Variants in SETD3 observed in about 807,000 individuals in gnomAD.
SETD3 encodes the protein actin-histidine N-methyltransferase.
Under a neutral mutation model 63.0 loss-of-function variants are expected in SETD3, and 19 were observed. The observed-to-expected ratio is 0.30, with a 90% CI of 0.21 to 0.44. The LOEUF (loss-of-function observed/expected upper bound fraction) is 0.44. Ranked by LOEUF, SETD3 falls within the 20% of genes least tolerant of loss-of-function variation. The probability of loss-of-function intolerance (pLI) is 1.00; values close to 1 mark genes in which losing one functional copy is unlikely to be tolerated. For synonymous variants in SETD3, 286 were observed against 264.1 expected, an observed-to-expected ratio of 1.08 and a Z score of -0.80; for missense variants, 587 against 728.5, an observed-to-expected ratio of 0.81 and a Z score of 2.24.
In SETD3 at chr14:99,410,142, G is replaced by A. The variant is rs377754103; in HGVS notation, c.849+2809C>T. On this transcript the variant is annotated intron_variant, in intron 8 of 12. Coordinates refer to ENST00000331768, the MANE Select transcript of SETD3 (RefSeq NM_032233.3). ...GCCACGCTGGAGGAGGTCTATGAGTGAGTCCCGTAAGTGCCTAAGGAATGG... is the reference window on the plus strand; with the variant it reads ...GCCACGCTGGAGGAGGTCTATGAGTAAGTCCCGTAAGTGCCTAAGGAATGG... 4 of 1,551,814 alleles carry A rather than the reference G, an allele frequency of 2.6e-6. No individual in the cohort carries two copies. The South Asian group carries it at 3.3e-5, about 13-fold the overall frequency.
chr14:99,478,190 T>C (rs1317393396), intron 1 of SETD3, among the ~76,000 whole-genome samples: 1 of 152,034 alleles, frequency 6.6e-6, no homozygotes, highest in African/African-American at 2.4e-5. Flanking sequence ...ACAAGCAACA[T>C]CCAAAGTAAC....
chr14:99,416,226 TAAAAAC>T (rs1892283044), intron 6 of SETD3, among the ~76,000 whole-genome samples: 1 of 152,110 alleles, frequency 6.6e-6, no homozygotes, highest in Non-Finnish European at 1.5e-5. Context: ...CTCAATGTAT[TAAAAAC>T]AAACAAAAAA....
chr14:99,446,158 T>A (rs970815195), intron 6 of SETD3, among the ~76,000 whole-genome samples: 3 of 152,124 alleles, frequency 2.0e-5, no homozygotes, highest in African/African-American at 7.2e-5. Context: ...ACTTATAAAA[T>A]GGGGACGGTG....
intron 6 of SETD3, among the ~76,000 whole-genome samples, chr14:99,455,305 C>T (rs1320264293): frequency 6.6e-6 from 1 of 152,238 alleles, no homozygotes; most frequent in African/African-American, 2.4e-5. Context: ...TCATGCATAT[C>T]GCATTTTCAA....
chr14:99,423,043 C>T lies in SETD3; in HGVS notation c.676-9109G>A, dbSNP rs151295183. Among the ~76,000 whole-genome samples the T allele has an allele frequency of 1.5e-3, 229 of 152,314 alleles. 3 individuals carry two copies. Among genetic ancestry groups the T allele is most frequent in the Admixed American group, 0.011 (167 of 15,310 alleles). ...TCCCTCCTTTTCTCTATTCCCCACG[C>T]TCAAAGAGTGTTCAAAAGGTACCAA... On this transcript the variant is annotated intron_variant, in intron 6 of 12. Transcript: ENST00000331768.
intron 6 of SETD3, among the ~76,000 whole-genome samples, chr14:99,433,281 T>G (rs753178845): frequency 1.1e-4 from 17 of 152,172 alleles, no homozygotes; most frequent in Non-Finnish European, 1.8e-4. Flanking sequence ...TATGTGTGTT[T>G]TACAATTTTA....
At chr14:99,481,123 C>T, upstream of SETD3, 1 of 295,134 alleles carries the variant, frequency 3.4e-6, no homozygotes, top group East Asian at 5.5e-5. Context: ...TTGGACGAAT[C>T]TCGACCCGGG....
Position 99,408,817 on chromosome 14 carries a change from G to A in SETD3, c.850-2227C>T, listed in dbSNP as rs1366067287. On this transcript the variant is annotated intron_variant, in intron 8 of 12. Coordinates refer to ENST00000331768, the MANE Select transcript of SETD3 (RefSeq NM_032233.3). ...AGGACGGTATCAAGTGTGTCTCAGT[G>A]CAAAGAAGTGCAGGCGGAAGCACAG... 2.0e-5 allele frequency among the ~76,000 whole-genome samples: 3 copies of A among 152,160 alleles called. No homozygotes were observed. The East Asian group carries it at 5.8e-4, about 29-fold the overall frequency.
chr14:99,435,098 G>C (rs563201551), intron 6 of SETD3, among the ~76,000 whole-genome samples: 1 of 152,046 alleles, frequency 6.6e-6, no homozygotes, highest in Non-Finnish European at 1.5e-5. Context: ...TTATTACTCT[G>C]ATACCATTTA....
intron 6 of SETD3, among the ~76,000 whole-genome samples, chr14:99,449,476 G>A (rs1194787595): frequency 6.6e-6 from 1 of 152,202 alleles, no homozygotes; most frequent in African/African-American, 2.4e-5. Flanking sequence ...CATAAAATGC[G>A]TAATTTCAGT....
At chr14:99,432,621 T>C (rs1450440240) in intron 6 of SETD3, among the ~76,000 whole-genome samples, 3 of 152,218 alleles carry the variant, frequency 2.0e-5, no homozygotes, top group African/African-American at 7.2e-5. Flanking sequence ...TTCTCTTAAA[T>C]TCTTCTCATC....
At chr14:99,461,487 G>T in intron 3 of SETD3, 147 bp from the exon 4 acceptor site, 2 of 757,458 alleles carry the variant, frequency 2.6e-6, no homozygotes, top group Non-Finnish European at 4.3e-6. Context: ...TCACCAGATG[G>T]TCACAGTACA....
At chr14:99,404,001 T>C (rs1312965730) in intron 11 of SETD3, among the ~76,000 whole-genome samples, 1 of 152,244 alleles carries the variant, frequency 6.6e-6, no homozygotes, top group Non-Finnish European at 1.5e-5. Flanking sequence ...AGTTGAGAAT[T>C]ATTTGCGTAT....
In SETD3 at chr14:99,461,291, T is replaced by C. The variant is rs775845104; in HGVS notation, c.246A>G (p.Leu82=). 1.2e-6 allele frequency: 2 copies of C among 1,614,082 alleles called. No homozygotes were observed. Among genetic ancestry groups the C allele is most frequent in the African/African-American group, 1.3e-5 (1 of 74,914 alleles). Residue 82 remains leucine, a synonymous_variant, in exon 4 of 13, where the codon CTA becomes CTG. Coordinates refer to ENST00000331768, the MANE Select transcript of SETD3 (RefSeq NM_032233.3). The part of the protein sequence containing the change: ...DGKREDYFPD[L]MKWASENGAS... ...CCCCATTTTCAGAGGCCCATTTCAT[T>C]AGATCAGGAAAGTAATCTTCTCTTT...
At chr14:99,480,441 G>A (rs1013295122) in intron 1 of SETD3, among the ~76,000 whole-genome samples, 12 of 151,748 alleles carry the variant, frequency 7.9e-5, no homozygotes, top group African/African-American at 1.2e-4. Context: ...CGCCAGAGGG[G>A]ACAGGGCAGC....
At chr14:99,484,119 A>ACAAAAGT (rs1896424447), upstream of SETD3, among the ~76,000 whole-genome samples, 2 of 152,258 alleles carry the variant, frequency 1.3e-5, no homozygotes, top group Non-Finnish European at 2.9e-5. Flanking sequence ...AAGTGGTTCT[A>ACAAAAGT]GGATGTAACA....
intron 6 of SETD3, among the ~76,000 whole-genome samples, chr14:99,451,332 C>A (rs1414465125): frequency 6.6e-6 from 1 of 152,190 alleles, no homozygotes; most frequent in Admixed American, 6.5e-5. Context: ...TCCCTGGCCT[C>A]TGTTTCACAA....
chr14:99,403,455 A>ACACTCTCTCTCTCTCTCT (rs1416541957), intron 11 of SETD3, among the ~76,000 whole-genome samples: 8 of 135,542 alleles, frequency 5.9e-5, no homozygotes, highest in South Asian at 2.3e-4. Context: ...ACACACACAC[A>ACACTCTCTCTCTCTCTCT]CTCTCTCTCT....
Position 99,398,888 on chromosome 14 carries a change from G to A in SETD3, c.1576C>T (p.Leu526Phe), listed in dbSNP as rs773868918. The A allele has an allele frequency of 2.5e-6, 4 of 1,614,128 alleles. No individual in the cohort carries two copies. Among genetic ancestry groups the A allele is most frequent in the Non-Finnish European group, 3.4e-6 (4 of 1,180,000 alleles). The change falls in exon 13 of 13, where the codon CTC becomes TTC. Residue 526 changes from leucine (L) to phenylalanine (F), a missense_variant. By Grantham distance (22) the Leu-to-Phe change is conservative. Coordinates refer to ENST00000331768, the MANE Select transcript of SETD3 (RefSeq NM_032233.3). ...TCCTGCACTCCAGCCTCCTCCTCGAGGTTTCTCAAGACCAGGGGGAGCCTC... is the reference window on the plus strand; with the variant it reads ...TCCTGCACTCCAGCCTCCTCCTCGAAGTTTCTCAAGACCAGGGGGAGCCTC... The part of the protein sequence containing the change: ...DSRLPLVLRN[L>F]EEEAGVQDAL...
Sources: allele counts gnomAD v4.1 joint callset (sites outside exome capture counted in the v4.1 genomes callset), GRCh38; gene constraint gnomAD v4.1.1; transcripts MANE v1.5; gene names NCBI Gene and HGNC (gene_info 2026-07-23, HGNC 2026-07-21).